The following ARHGEF6 variants were observed in gnomAD, a reference collection of about 807,000 sequenced individuals.
ARHGEF6 encodes rho guanine nucleotide exchange factor 6.
Under a neutral mutation model 70.3 loss-of-function variants are expected in ARHGEF6, and 9 were observed. That is an observed-to-expected ratio of 0.13 (90% CI 0.08 to 0.22). The LOEUF (loss-of-function observed/expected upper bound fraction) is 0.22. Ranked by LOEUF, ARHGEF6 falls within the 10% of genes least tolerant of loss-of-function variation. The probability of loss-of-function intolerance (pLI) is 1.00; values close to 1 mark genes in which losing one functional copy is unlikely to be tolerated. For missense variants in ARHGEF6, 470 were observed against 563.0 expected, an observed-to-expected ratio of 0.83 and a Z score of 1.67; for synonymous variants, 201 against 207.8, an observed-to-expected ratio of 0.97 and a Z score of 0.28.
At chrX:136,727,357 C>CT (rs2076869606) in intron 6 of ARHGEF6, among the ~76,000 whole-genome samples, 1 of 58,257 alleles carries the variant, frequency 1.7e-5, no homozygotes, top group South Asian at 1.3e-3. Flanking sequence ...TTCTTTCTTT[C>CT]TTTCTTTCTT....
chrX:136,677,990 C>A (rs765922194), intron 16 of ARHGEF6, 34 bp from the exon 17 acceptor site: 83 of 1,162,146 alleles, frequency 7.1e-5, no homozygotes, highest in Admixed American at 2.2e-5. Context: ...AGAAGATGAG[C>A]GTGAGAGGTC....
intron 20 of ARHGEF6, among the ~76,000 whole-genome samples, chrX:136,670,336 C>T (rs923752318): frequency 1.8e-5 from 2 of 111,644 alleles, no homozygotes; most frequent in Non-Finnish European, 3.8e-5. Context: ...TCAACAAAGG[C>T]GGAAAAAGAA....
chrX:136,729,702 C>T (rs1243441100), intron 6 of ARHGEF6, among the ~76,000 whole-genome samples: 2 of 104,841 alleles, frequency 1.9e-5, no homozygotes, highest in Non-Finnish European at 3.9e-5. Context: ...TGGTGGCGCT[C>T]GCCTGTAGTC....
intron 2 of ARHGEF6, among the ~76,000 whole-genome samples, chrX:136,752,046 G>A (rs762049206): frequency 9.0e-6 from 1 of 111,380 alleles, no homozygotes; most frequent in South Asian, 3.8e-4. Flanking sequence ...AGCCCTGCAT[G>A]TACACCTTAT....
intron 2 of ARHGEF6, among the ~76,000 whole-genome samples, chrX:136,761,763 G>A (rs529096): frequency 0.04 from 4,515 of 111,892 alleles, 217 homozygotes; most frequent in African/African-American, 0.14. Context: ...AAAACAAGTG[G>A]TCTCTGCCGA....
chrX:136,756,095 G>A (rs772958407), intron 2 of ARHGEF6, among the ~76,000 whole-genome samples: 1 of 111,223 alleles, frequency 9.0e-6, no homozygotes, highest in African/African-American at 3.3e-5. Context: ...ATCAATAGAT[G>A]ATTAATCATA....
intron 9 of ARHGEF6, among the ~76,000 whole-genome samples, chrX:136,700,707 T>C (rs10217835): frequency 0.015 from 1,734 of 111,983 alleles, 33 homozygotes; most frequent in African/African-American, 0.054. Flanking sequence ...TTACTTAATT[T>C]ATCATGTCTG....
chrX:136,667,929 CAAAACA>C lies in ARHGEF6; in HGVS notation c.*94_*99del, dbSNP rs763823809. On this transcript the variant is annotated 3_prime_UTR_variant, in exon 22 of 22. Coordinates refer to ENST00000250617, the MANE Select transcript of ARHGEF6 (RefSeq NM_004840.3). ...GGAGAGAGAGAGAGAGACTCAAACA[CAAAACA>C]AAAGCCAAAGAAGTGAGCAAACTGA... is the stretch of plus-strand genomic sequence containing the variant. The C allele has an allele frequency of 3.0e-4, 328 of 1,085,714 alleles. 1 individual carries two copies. Among genetic ancestry groups the C allele is most frequent in the Middle Eastern group, 1.9e-3 (6 of 3,206 alleles). The allele number at this position is 1,085,714 out of a possible 1,213,427, so 89.5% of individuals were successfully genotyped here.
rs1447132093 is a variant in ARHGEF6, at chrX:136,779,405, T to C, written c.249+9A>G. 1 of 1,203,550 alleles carries C rather than the reference T, an allele frequency of 8.3e-7. No individual in the cohort carries two copies. The highest frequency in any genetic ancestry group is 1.1e-6 in the Non-Finnish European group (1 of 888,381). On this transcript the variant is annotated intron_variant, in intron 2 of 21. Coordinates refer to ENST00000250617, the MANE Select transcript of ARHGEF6 (RefSeq NM_004840.3). The stretch of plus-strand genomic sequence containing the variant: ...ATGACAACAGGGAAGGCACCCGGGG[T>C]AGGCTTACTTCCACTTGGAGGGTTG...
chrX:136,698,211 G>A (rs1052339685), intron 9 of ARHGEF6, among the ~76,000 whole-genome samples: 3 of 111,367 alleles, frequency 2.7e-5, no homozygotes, highest in Non-Finnish European at 5.7e-5. Flanking sequence ...TAGAGATTAT[G>A]CAATATAAAA....
chrX:136,670,566 A>G (rs1449371874), intron 20 of ARHGEF6, among the ~76,000 whole-genome samples: 1 of 110,977 alleles, frequency 9.0e-6, no homozygotes, highest in Non-Finnish European at 1.9e-5. Context: ...ACATCTCCCC[A>G]TTTCCCCTTT....
chrX:136,694,551 A>G (rs1300686757), intron 9 of ARHGEF6, among the ~76,000 whole-genome samples: 1 of 111,885 alleles, frequency 8.9e-6, no homozygotes, highest in East Asian at 2.8e-4. Context: ...GAGAACTAAC[A>G]AGAGCAAAAG....
At chrX:136,732,925 C>T (rs950008460) in intron 5 of ARHGEF6, among the ~76,000 whole-genome samples, 7 of 111,511 alleles carry the variant, frequency 6.3e-5, no homozygotes, top group African/African-American at 2.0e-4. Context: ...GGCAAGCATA[C>T]TTTTCTTGGG....
rs745557839 is a variant in ARHGEF6 at position 136,773,495 on chromosome X, T to C, written c.249+5919A>G. Among the ~76,000 whole-genome samples, 3 of 112,319 alleles carry C rather than the reference T, an allele frequency of 2.7e-5. No homozygotes were observed. The South Asian group carries it at 1.1e-3, about 42-fold the overall frequency. On this transcript the variant is annotated intron_variant, in intron 2 of 21. Coordinates refer to ENST00000250617, the MANE Select transcript of ARHGEF6 (RefSeq NM_004840.3). ...AGCTTTCGGTCTCATTCCTTATGTA[T>C]TGATTTTATTAGTCTTCTTTCTGGG...
chrX:136,685,906 G>T, intron 11 of ARHGEF6, 83 bp from the exon 12 acceptor site: 1 of 1,057,892 alleles, frequency 9.5e-7, no homozygotes, highest in Non-Finnish European at 1.3e-6. Context: ...TGTGGCTTCT[G>T]ACTCTTTGGT....
At chrX:136,768,491 A>G (rs1325122945) in intron 2 of ARHGEF6, 1 of 112,229 alleles carries the variant, frequency 8.9e-6, no homozygotes, top group Non-Finnish European at 1.9e-5. Flanking sequence ...AAACTGATGG[A>G]AATGGGCAAG....
chrX:136,744,984 G>A (rs1160464394), intron 4 of ARHGEF6, among the ~76,000 whole-genome samples: 2 of 111,964 alleles, frequency 1.8e-5, no homozygotes, highest in East Asian at 5.6e-4. Flanking sequence ...TCAGTTAAGT[G>A]ACTTGCCTAA....
rs144171880 is a variant in ARHGEF6 at position 136,743,779 on chromosome X, G to C, written c.467C>G (p.Thr156Arg). 8.3e-7 allele frequency: 1 copy of C among 1,209,742 alleles called. No individual in the cohort carries two copies. Among genetic ancestry groups the C allele is most frequent in the East Asian group, 3.0e-5 (1 of 33,836 alleles). The change falls in exon 5 of 22, where the codon ACG becomes AGG. Residue 156 changes from threonine to arginine, a missense_variant. Transcript: ENST00000250617. Reference sequence around the variant, plus strand: ...TATCAACTGATGACTTCCATTTTCCGTCATCTCCTAGAGAAACAAAAGCCA... The same window carrying C: ...TATCAACTGATGACTTCCATTTTCCCTCATCTCCTAGAGAAACAAAAGCCA... ...LQRQSKTVEM[T>R]ENGSHQLIVK...
intron 2 of ARHGEF6, among the ~76,000 whole-genome samples, chrX:136,773,193 A>G (rs950498620): frequency 9.0e-6 from 1 of 111,435 alleles, no homozygotes; most frequent in Non-Finnish European, 1.9e-5. Flanking sequence ...CAAGCTGACA[A>G]TTTCAAGCCG....
Sources: allele counts gnomAD v4.1 joint callset (sites outside exome capture counted in the v4.1 genomes callset), GRCh38; gene constraint gnomAD v4.1.1; transcripts MANE v1.5; gene names NCBI Gene and HGNC (gene_info 2026-07-23, HGNC 2026-07-21).